Variants in MMRN2 observed in about 807,000 individuals in gnomAD.
The protein encoded by MMRN2 is multimerin 2.
Under a neutral mutation model 68.8 loss-of-function variants are expected in MMRN2, and 53 were observed. The observed-to-expected ratio is 0.77, with a 90% CI of 0.62 to 0.97. The LOEUF (loss-of-function observed/expected upper bound fraction) is 0.97, where lower values mean the gene tolerates loss of function less well. Among genes scored for constraint, MMRN2 ranks in the 50% least tolerant of loss-of-function variants. MMRN2 has a pLI of 0.00. For synonymous variants in MMRN2, 564 were observed against 551.6 expected (o/e 1.02, Z -0.32); for missense variants, 1,266 against 1,259.5 (o/e 1.01, Z -0.08).
At chr10:86,950,475 C>G (rs955403311) in intron 1 of MMRN2, among the ~76,000 whole-genome samples, 1 of 152,160 alleles carries the variant, frequency 6.6e-6, no homozygotes, top group Non-Finnish European at 1.5e-5. Context: ...CGTGGTGTCA[C>G]AGGAAACACT....
chr10:86,950,246 CAGA>C (rs1028333429), intron 1 of MMRN2, among the ~76,000 whole-genome samples: 1 of 120,904 alleles, frequency 8.3e-6, no homozygotes, highest in Non-Finnish European at 1.8e-5. Flanking sequence ...GAGGCTGAGG[CAGA>C]AGAATCGCTT....
chr10:86,943,247 GC>G lies in MMRN2; in HGVS notation c.1536del (p.Arg513ValfsTer8). The G allele has an allele frequency of 2.5e-6, 4 of 1,612,716 alleles. No homozygotes were observed. The highest frequency in any genetic ancestry group is 3.4e-6 in the Non-Finnish European group (4 of 1,179,538). On this transcript the variant is annotated frameshift_variant, in exon 6 of 7. Transcript: ENST00000372027. LOFTEE classifies it high-confidence loss of function. The surrounding 1 kb of genome is among the most constrained non-coding windows in gnomAD (Gnocchi z 4.2). ...DVIREGQRDA[T>X]RALEETQVSL... ...CTCACCTGGGTCTCCTCCAGGGCAC[GC>G]GTGGCGTCCCTCTGGCCCTCCCGGA...
intron 6 of MMRN2, among the ~76,000 whole-genome samples, chr10:86,940,799 G>T (rs1589300125): frequency 6.6e-6 from 1 of 152,230 alleles, no homozygotes; most frequent in African/African-American, 2.4e-5. Context: ...CCCTGTGTCT[G>T]GGTGGGGAGA....
At chr10:86,945,320 A>C (rs947035632) in intron 3 of MMRN2, 50 bp downstream of exon 3, 4 of 1,610,154 alleles carry the variant, frequency 2.5e-6, no homozygotes, top group African/African-American at 1.3e-5. Context: ...GAGCTGCTTG[A>C]CCTTGGGGAT....
At chr10:86,939,357 G>A (rs904005779) in intron 6 of MMRN2, among the ~76,000 whole-genome samples, 41 of 149,520 alleles carry the variant, frequency 2.7e-4, no homozygotes, top group African/African-American at 9.9e-4. Context: ...AGCTACTCGG[G>A]AGGCTGAGGC....
At chr10:86,956,163 G>A (rs897217549) in intron 1 of MMRN2, among the ~76,000 whole-genome samples, 4 of 38,728 alleles carry the variant, frequency 1.0e-4, no homozygotes, top group South Asian at 1.1e-3. Context: ...TCCCCTTGCC[G>A]CCCCACCACC....
chr10:86,944,290 T>A lies in MMRN2; in HGVS notation c.627A>T (p.Ala209=). 3.1e-6 allele frequency: 5 copies of A among 1,612,022 alleles called. No homozygotes were observed. Among genetic ancestry groups the A allele is most frequent in the Non-Finnish European group, 3.4e-6 (4 of 1,178,626 alleles). ...WKALPGNLTA[A]VMEANQTGHE... ...GCCCTGTTTGATTTGCTTCCATCAC[T>A]GCAGCTGTGAGGTTACCAGGCAGGG... is the stretch of plus-strand genomic sequence containing the variant. Residue 209 remains alanine, a synonymous_variant, in exon 5 of 7, where the codon GCA becomes GCT. Transcript: ENST00000372027.
intron 4 of MMRN2, among the ~76,000 whole-genome samples, chr10:86,944,843 G>T (rs1277436795): frequency 3.9e-5 from 6 of 152,256 alleles, no homozygotes; most frequent in Non-Finnish European, 5.9e-5. Flanking sequence ...ACCAAGGACA[G>T]CATGACTTCC....
chr10:86,945,705 G>A lies in MMRN2; in HGVS notation c.165-16C>T. ...GCACCAGTTACTGGAAAACAAGCCA[G>A]AGGAGAAGGCTGCTGAGCCACACCC... On this transcript the variant is annotated splice_polypyrimidine_tract_variant and intron_variant, in intron 1 of 6. Transcript: ENST00000372027. 6.2e-7 allele frequency: 1 copy of A among 1,613,854 alleles called. No individual in the cohort carries two copies. The highest frequency in any genetic ancestry group is 8.5e-7 in the Non-Finnish European group (1 of 1,180,006).
In MMRN2 at chr10:86,943,053, C is replaced by T; in HGVS notation, c.1731G>A (p.Ala577=). Residue 577 remains alanine, a synonymous_variant, in exon 6 of 7, where the codon GCG becomes GCA. Transcript: ENST00000372027. This position sits in a 1 kb window ranked among gnomAD's most constrained non-coding sequence, Gnocchi z 4.2. ...GGGCCTCGGCCGCGGCCGCCTTCAG[C>T]GCGCCCACCTCGTCATCCAGCGCCT... ...QVQALDDEVG[A]LKAAAAEARH... The T allele has an allele frequency of 7.2e-7, 1 of 1,379,444 alleles. No homozygotes were observed. The highest frequency in any genetic ancestry group is 9.3e-7 in the Non-Finnish European group (1 of 1,072,494). 85.5% of individuals were successfully genotyped at this position (1,379,444 alleles called of 1,614,324 possible). A position where few individuals can be genotyped will look rare whatever the true frequency, so the allele number is the denominator to read the frequency against.
Position 86,936,531 on chromosome 10 carries a change from T to C in MMRN2, c.*212A>G. 2 of 623,184 alleles carry C rather than the reference T, an allele frequency of 3.2e-6. No homozygotes were observed. The highest frequency in any genetic ancestry group is 5.6e-6 in the Non-Finnish European group (2 of 358,576). The allele number at this position is 623,184 out of a possible 1,614,324, so 38.6% of individuals were successfully genotyped here. On this transcript the variant is annotated 3_prime_UTR_variant, in exon 7 of 7. Transcript: ENST00000372027. The stretch of plus-strand genomic sequence containing the variant: ...GTTCAGGCTTCCTAGGACCATGTCC[T>C]GCCCGGAGAAGCATTCCAGTCCTTC...
intron 1 of MMRN2, among the ~76,000 whole-genome samples, chr10:86,947,097 T>C (rs1844080170): frequency 6.6e-6 from 1 of 152,086 alleles, no homozygotes. Context: ...AGAGCCACCC[T>C]GGTCCCTGGG....
chr10:86,942,490 T>C lies in MMRN2; in HGVS notation c.2294A>G (p.Asn765Ser), dbSNP rs184131345. ...FGNFQGLMEA[N>S]VSLDLGKLQT... Reference sequence around the variant, plus strand: ...CAGCTTCCCCAGGTCCAGGCTGACGTTGGCTTCCATGAGCCCTTGGAAGTT... The same window carrying C: ...CAGCTTCCCCAGGTCCAGGCTGACGCTGGCTTCCATGAGCCCTTGGAAGTT... Residue 765 changes from asparagine (N) to serine (S), a missense_variant, in exon 6 of 7, where the codon AAC becomes AGC. Transcript: ENST00000372027. 3.8e-5 allele frequency: 61 copies of C among 1,614,114 alleles called. No individual in the cohort carries two copies. The African/African-American group carries it at 5.3e-4, about 14-fold the overall frequency.
chr10:86,947,898 C>T (rs993826746), intron 1 of MMRN2, among the ~76,000 whole-genome samples: 9 of 152,186 alleles, frequency 5.9e-5, no homozygotes, highest in Non-Finnish European at 1.3e-4. Context: ...TCTTTCTCCT[C>T]TTAAGTGAGC....
At chr10:86,956,416 G>A (rs142451247) in intron 1 of MMRN2, among the ~76,000 whole-genome samples, 10 of 152,294 alleles carry the variant, frequency 6.6e-5, no homozygotes, top group Admixed American at 1.3e-4. Context: ...CTCATACACC[G>A]CACAGAAGTG....
At position 86,936,465 on chromosome 10, in the gene MMRN2, G is replaced by C. The variant is rs1404200306; in HGVS notation, c.*278C>G. On this transcript the variant is annotated 3_prime_UTR_variant, in exon 7 of 7. Transcript: ENST00000372027. ...GAATACAGGGTGTGGTGAAGAGTTGGAGCCCAGGCCGTGCTGTCTGAGAAG... is the reference window on the plus strand; with the variant it reads ...GAATACAGGGTGTGGTGAAGAGTTGCAGCCCAGGCCGTGCTGTCTGAGAAG... The C allele has an allele frequency of 3.7e-6, 2 of 542,924 alleles. No homozygotes were observed. Among genetic ancestry groups the C allele is most frequent in the Non-Finnish European group, 6.5e-6 (2 of 307,576 alleles). The allele number at this position is 542,924 out of a possible 1,614,324, so 33.6% of individuals were successfully genotyped here.
rs1197168352 is a variant in MMRN2 at position 86,945,370 on chromosome 10, C to A, written c.400G>T (p.Asp134Tyr). 1.1e-5 allele frequency: 17 copies of A among 1,595,028 alleles called. No individual in the cohort carries two copies. The highest frequency in any genetic ancestry group is 1.5e-5 in the Non-Finnish European group (17 of 1,170,356). Residue 134 changes from aspartate (D) to tyrosine (Y), a missense_variant and splice_region_variant, in exon 3 of 7, where the codon GAT becomes TAT. Transcript: ENST00000372027. ...GGAAGGGGGCCGCAGGGAGCCCTAC[C>A]GTGGTGCTCGCAGTTGGGGCCCGTG... The part of the protein sequence containing the change: ...GYTGPNCEHH[D>Y]SMAIPEPADP...
chr10:86,949,529 C>CA (rs1048695693), intron 1 of MMRN2: 3,532 of 129,374 alleles, frequency 0.027, 124 homozygotes, highest in African/African-American at 0.089. Context: ...GACCCCATCT[C>CA]AAAAAAAAAA....
Position 86,943,432 on chromosome 10 carries a change from A to G in MMRN2, c.1352T>C (p.Met451Thr). ...CTCCTCCATGATCAGAGACTTCTCC[A>G]TCAGGATCACGCGCAGCTCACGGAG... The part of the protein sequence containing the change: ...TALRELRVIL[M>T]EKSLIMEENK... The change falls in exon 6 of 7, where the codon ATG becomes ACG. Residue 451 changes from methionine (M) to threonine (T), a missense_variant. Coordinates refer to ENST00000372027, the MANE Select transcript of MMRN2 (RefSeq NM_024756.3). This position sits in a 1 kb window ranked among gnomAD's most constrained non-coding sequence, Gnocchi z 4.2. The G allele has an allele frequency of 6.2e-7, 1 of 1,614,112 alleles. No homozygotes were observed. The highest frequency in any genetic ancestry group is 8.5e-7 in the Non-Finnish European group (1 of 1,180,002).
Sources: allele counts gnomAD v4.1 joint callset (sites outside exome capture counted in the v4.1 genomes callset), GRCh38; gene constraint gnomAD v4.1.1; non-coding constraint Gnocchi (gnomAD v3.1); transcripts MANE v1.5; gene names NCBI Gene and HGNC (gene_info 2026-07-23, HGNC 2026-07-21).